STK31: variants seen among roughly 807,000 people sequenced by gnomAD.
STK31 encodes serine/threonine kinase 31.
STK31 carries 89 observed loss-of-function variants against 129.7 expected under a neutral mutation model. That is an observed-to-expected ratio of 0.69 (90% CI 0.58 to 0.82). The LOEUF (loss-of-function observed/expected upper bound fraction) is 0.82, where lower values mean the gene tolerates loss of function less well. STK31 is among the 40% of genes least tolerant of loss of function. The pLI is 0.00. For synonymous variants in STK31, 448 were observed against 395.3 expected (o/e 1.13, Z -1.58); for missense variants, 1,187 against 1,176.4 (o/e 1.01, Z -0.13).
rs1437533797 is a variant in STK31, at chr7:23,832,237, G to T, written c.2931G>T (p.Glu977Asp). The change falls in exon 24 of 24, where the codon GAG becomes GAT. Residue 977 changes from glutamate to aspartate, a missense_variant. By Grantham distance (45) the Glu-to-Asp change is conservative (BLOSUM62 2). Coordinates refer to ENST00000355870, the MANE Select transcript of STK31 (RefSeq NM_031414.5). ...LNAECFLMPK[E>D]QSVPNPEKDT... ...CTGAATGTTTCTTGATGCCAAAGGA[G>T]CAATCAGTTCCAAACCCAGAAAAAG... The T allele has an allele frequency of 6.2e-7, 1 of 1,614,034 alleles. No individual in the cohort carries two copies. Among genetic ancestry groups the T allele is most frequent in the Non-Finnish European group, 8.5e-7 (1 of 1,179,944 alleles).
At chr7:23,767,635 G>A (rs1295657201) in intron 11 of STK31, among the ~76,000 whole-genome samples, 1 of 152,172 alleles carries the variant, frequency 6.6e-6, no homozygotes, top group East Asian at 1.9e-4. Context: ...GGGCTGGCCA[G>A]CTCTTCTGTA....
rs1788911327 is a variant in STK31, at chr7:23,754,296, T to C, written c.1134-19T>C. 6.3e-7 allele frequency: 1 copy of C among 1,598,790 alleles called. No homozygotes were observed. The highest frequency in any genetic ancestry group is 1.4e-5 in the African/African-American group (1 of 73,976). ...TTCTAATTTATTGATCTTCTTCTTT[T>C]TGATGTTTTTAAAAATAGGCATGTC... On this transcript the variant is annotated intron_variant, in intron 9 of 23. Transcript: ENST00000355870.
rs150280715 is a variant in STK31, at chr7:23,827,951, G to A, written c.2830-4185G>A. On this transcript the variant is annotated intron_variant, in intron 23 of 23. Coordinates refer to ENST00000355870, the MANE Select transcript of STK31 (RefSeq NM_031414.5). ...AATGCTGCTGCCTGATCGTTCCTCT[G>A]GGAGTTTTGTCTCAGAGGAGTACCC... Among the ~76,000 whole-genome samples the A allele has an allele frequency of 2.0e-3, 306 of 152,278 alleles. 3 individuals carry two copies. In the East Asian group the frequency reaches 0.042, roughly 21 times the overall value.
chr7:23,778,730 G>T (rs375867580), intron 15 of STK31, among the ~76,000 whole-genome samples: 5 of 151,804 alleles, frequency 3.3e-5, no homozygotes, highest in African/African-American at 1.2e-4. Context: ...TTAGCAATTC[G>T]TCTAACCTTT....
At chr7:23,769,507 C>CT (rs1160159315) in intron 12 of STK31, 133 bp from the exon 13 acceptor site, 30 of 616,306 alleles carry the variant, frequency 4.9e-5, no homozygotes, top group Middle Eastern at 3.5e-4. Context: ...AGGGTAGGCA[C>CT]TTTTTTTTCC....
chr7:23,722,354 C>G (rs1584327247), intron 4 of STK31: 1 of 153,972 alleles, frequency 6.5e-6, no homozygotes, highest in Admixed American at 6.5e-5. Flanking sequence ...GAGGTCCACT[C>G]CAGACCCTGT....
intron 3 of STK31, among the ~76,000 whole-genome samples, chr7:23,716,955 C>T (rs543394134): frequency 3.8e-4 from 58 of 151,492 alleles, no homozygotes; most frequent in Non-Finnish European, 7.5e-4. Context: ...CTACCATGCC[C>T]GGCTAATCTT....
chr7:23,814,919 GT>G (rs1332796686), intron 22 of STK31, among the ~76,000 whole-genome samples: 1 of 152,112 alleles, frequency 6.6e-6, no homozygotes, highest in African/African-American at 2.4e-5. Flanking sequence ...ATATTAAAGT[GT>G]TTATAGTGTG....
At chr7:23,796,705 A>G (rs1019525541) in intron 22 of STK31, among the ~76,000 whole-genome samples, 2 of 152,180 alleles carry the variant, frequency 1.3e-5, no homozygotes, top group Non-Finnish European at 2.9e-5. Flanking sequence ...AACGCTGGCA[A>G]CCACTGACCT....
rs773011942 is a variant in STK31, at chr7:23,769,649, C to T, written c.1606C>T (p.Leu536=). Residue 536 remains leucine, a synonymous_variant, in exon 13 of 24, where the codon CTA becomes TTA. Coordinates refer to ENST00000355870, the MANE Select transcript of STK31 (RefSeq NM_031414.5). ...TATTTTTGCAAATGAGGTTTTTGACCTATCTGTGGAAGGATCACTGATTTC... is the reference window on the plus strand; with the variant it reads ...TATTTTTGCAAATGAGGTTTTTGACTTATCTGTGGAAGGATCACTGATTTC... ...WFQRTLKVFD[L]SVEGSLISED... 1.2e-6 allele frequency: 2 copies of T among 1,603,494 alleles called. No homozygotes were observed. The highest frequency in any genetic ancestry group is 8.5e-7 in the Non-Finnish European group (1 of 1,174,506).
chr7:23,778,806 A>G (rs552299490), intron 15 of STK31, among the ~76,000 whole-genome samples: 25 of 152,072 alleles, frequency 1.6e-4, no homozygotes, highest in African/African-American at 6.0e-4. Context: ...GGAGTTTGTT[A>G]TTACCCACCT....
rs148971329 is a variant in STK31 at position 23,795,449 on chromosome 7, T to TA, written c.2760+4504dup. 6.8e-4 allele frequency among the ~76,000 whole-genome samples: 104 copies of TA among 152,262 alleles called. No individual in the cohort carries two copies. In the East Asian group the frequency reaches 0.016, roughly 23 times the overall value. Reference sequence around the variant, plus strand: ...AAGTTTTCTGCAGGGGTGGAGCCCTTATGAAGATACTCTGCTAAGACAGTG... The same window carrying TA: ...AAGTTTTCTGCAGGGGTGGAGCCCTTAATGAAGATACTCTGCTAAGACAGTG... On this transcript the variant is annotated intron_variant, in intron 22 of 23. Transcript: ENST00000355870.
In STK31 at chr7:23,732,416, A is replaced by G. The variant is rs1300539836; in HGVS notation, c.484-3122A>G. 2.6e-5 allele frequency among the ~76,000 whole-genome samples: 4 copies of G among 152,232 alleles called. 1 individual carries two copies. The highest frequency in any genetic ancestry group is 2.0e-4 in the Admixed American group (3 of 15,278). ...GTTTATATGTATTATATATAAAGAG[A>G]AAACATACATATTTTTGGTATAGTA... On this transcript the variant is annotated intron_variant, in intron 6 of 23. Coordinates refer to ENST00000355870, the MANE Select transcript of STK31 (RefSeq NM_031414.5).
chr7:23,787,066 G>T, intron 20 of STK31, 142 bp downstream of exon 20: 1 of 751,700 alleles, frequency 1.3e-6, no homozygotes. Context: ...GCCTGTGATA[G>T]AAGTTATCGT....
At chr7:23,712,190 A>C in intron 2 of STK31, 44 bp from the exon 3 acceptor site, 2 of 1,613,874 alleles carry the variant, frequency 1.2e-6, no homozygotes, top group South Asian at 1.1e-5. Context: ...GCTAGATGAT[A>C]CTGATTAATT....
At position 23,820,387 on chromosome 7, in the gene STK31, T is replaced by G. The variant is rs1793727673; in HGVS notation, c.2829+5175T>G. Among the ~76,000 whole-genome samples, 4 of 152,350 alleles carry G rather than the reference T, an allele frequency of 2.6e-5. No individual in the cohort carries two copies. In the South Asian group the frequency reaches 6.2e-4, roughly 24 times the overall value. On this transcript the variant is annotated intron_variant, in intron 23 of 23. Coordinates refer to ENST00000355870, the MANE Select transcript of STK31 (RefSeq NM_031414.5). ...TGCAGATAGGGAGTGCTGACTGTACTTACTTATTTCATATTGATACATAAT... is the reference window on the plus strand; with the variant it reads ...TGCAGATAGGGAGTGCTGACTGTACGTACTTATTTCATATTGATACATAAT...
chr7:23,760,600 C>T (rs1789405598), intron 10 of STK31, among the ~76,000 whole-genome samples: 3 of 152,118 alleles, frequency 2.0e-5, no homozygotes, highest in African/African-American at 7.2e-5. Flanking sequence ...AGTGAGGAAA[C>T]AGGCTTACAA....
At chr7:23,738,108 C>T (rs549936060) in intron 8 of STK31, among the ~76,000 whole-genome samples, 1 of 152,198 alleles carries the variant, frequency 6.6e-6, no homozygotes, top group Admixed American at 6.5e-5. Flanking sequence ...TCTACCCCCC[C>T]ACTATAAATT....
At chr7:23,770,970 T>A in intron 13 of STK31, 35 bp from the exon 14 acceptor site, 2 of 1,585,580 alleles carry the variant, frequency 1.3e-6, no homozygotes, top group African/African-American at 1.4e-5. Context: ...TGGATATTCC[T>A]TTGTGTATAA....
Sources: gnomAD v4.1 joint callset for allele counts (sites outside exome capture counted in the v4.1 genomes callset) on GRCh38, gnomAD v4.1.1 for gene constraint, MANE v1.5 for transcripts, NCBI Gene and HGNC (gene_info 2026-07-23, HGNC 2026-07-21) for gene names.